The following SSUH2 variants were observed in gnomAD, a reference collection of about 807,000 sequenced individuals.
The protein encoded by SSUH2 is protein SSUH2 homolog.
A neutral mutation model predicts 55.3 loss-of-function variants in SSUH2; 47 were observed. That is an observed-to-expected ratio of 0.85 (90% CI 0.67 to 1.08). The LOEUF (loss-of-function observed/expected upper bound fraction) is 1.08. SSUH2 is among the 50% of genes least tolerant of loss of function. The pLI, the probability that SSUH2 is intolerant of heterozygous loss-of-function variation, is 0.00. For synonymous variants in SSUH2, 212 were observed against 191.5 expected, an observed-to-expected ratio of 1.11 and a Z score of -0.89; for missense variants, 535 against 490.7, an observed-to-expected ratio of 1.09 and a Z score of -0.85.
upstream of SSUH2, among the ~76,000 whole-genome samples, chr3:8,649,563 C>T (rs149423982): frequency 0.016 from 2,429 of 152,232 alleles, 43 homozygotes; most frequent in Admixed American, 0.046. Flanking sequence ...TAACAGACAC[C>T]TCGAGCTCTC....
chr3:8,675,863 T>C (rs971985717), intron 3 of SSUH2, among the ~76,000 whole-genome samples: 4 of 152,240 alleles, frequency 2.6e-5, no homozygotes, highest in South Asian at 2.1e-4. Context: ...TTTTCCATTG[T>C]ATGCGTCACA....
chr3:8,679,118 C>CA lies in SSUH2; in HGVS notation c.-901+586_-901+587insT, dbSNP rs549085698. Reference sequence around the variant, plus strand: ...CCTCTTTCCCCCCTGGCTCTTAGGACCCAAATTGCGGGGGGGAGGCACCCC... The same window carrying CA: ...CCTCTTTCCCCCCTGGCTCTTAGGACACCAAATTGCGGGGGGGAGGCACCCC... On this transcript the variant is annotated intron_variant, in intron 2 of 18. Coordinates refer to the SSUH2 transcript ENST00000317371. Among the ~76,000 whole-genome samples the CA allele has an allele frequency of 2.3e-4, 24 of 106,308 alleles. 1 individual carries two copies. Among genetic ancestry groups the CA allele is most frequent in the East Asian group, 1.4e-3 (6 of 4,222 alleles). 69.7% of individuals were successfully genotyped at this position (106,308 alleles called of 152,430 possible).
intron 5 of SSUH2, among the ~76,000 whole-genome samples, chr3:8,670,179 G>T (rs547063888): frequency 4.3e-4 from 66 of 152,188 alleles, no homozygotes; most frequent in African/African-American, 1.6e-3. Flanking sequence ...GGATACAACT[G>T]GCCCTGAGAG....
rs775792560 is a variant in SSUH2, at chr3:8,633,712, G to GC, written c.292dup (p.Ala98GlyfsTer23). On this transcript the variant is annotated frameshift_variant, in exon 4 of 12. Coordinates refer to ENST00000544814, the MANE Select transcript of SSUH2 (RefSeq NM_001256748.3). LOFTEE classifies it high-confidence loss of function. ...CAGCTCCTGGATGACGAGGTCTCCA[G>GC]CCACCGTGCTGCTGTAGCAGCACTT... The GC allele has an allele frequency of 1.3e-6, 2 of 1,551,470 alleles. No individual in the cohort carries two copies. Among genetic ancestry groups the GC allele is most frequent in the Non-Finnish European group, 1.7e-6 (2 of 1,148,616 alleles).
chr3:8,625,505 C>T (rs1402526407), intron 10 of SSUH2, 37 bp downstream of exon 10: 2 of 1,360,816 alleles, frequency 1.5e-6, no homozygotes, highest in East Asian at 2.3e-5. Context: ...GAGGAGGAAC[C>T]CAGCTTCCTT....
At chr3:8,679,978 T>G (rs574550620) in intron 1 of SSUH2, 1 of 152,332 alleles carries the variant, frequency 6.6e-6, no homozygotes, top group South Asian at 2.1e-4. Flanking sequence ...CGGGAACCTT[T>G]GCAAGGGGGA....
chr3:8,676,237 C>T (rs1254972621), intron 3 of SSUH2, among the ~76,000 whole-genome samples: 13 of 151,898 alleles, frequency 8.6e-5, no homozygotes, highest in Admixed American at 3.3e-4. Context: ...GGTGTACACC[C>T]GTCTGTACTG....
chr3:8,655,404 C>T lies in SSUH2; in HGVS notation c.-307+3521G>A, dbSNP rs569911456. Among the ~76,000 whole-genome samples the T allele has an allele frequency of 8.7e-4, 118 of 136,324 alleles. No homozygotes were observed. In the Middle Eastern group the frequency reaches 0.012, roughly 14 times the overall value. 89.4% of individuals were successfully genotyped at this position (136,324 alleles called of 152,430 possible). On this transcript the variant is annotated intron_variant, in intron 7 of 18. Coordinates refer to the SSUH2 transcript ENST00000317371. ...CCAAGATCACAGTGGGTGGCCTCAT[C>T]CCCCGGGTCTCAGTGTGTGGCCTCC...
rs201862320 is a variant in SSUH2, at chr3:8,670,089, GC to G, written c.-455+908del. On this transcript the variant is annotated intron_variant, in intron 5 of 18. Coordinates refer to the SSUH2 transcript ENST00000317371. ...CTCCGCAAGACAAGCATATCCCTAGGCCCCCCAGAGTAGACAAGAGAGGAGG... is the reference window on the plus strand; with the variant it reads ...CTCCGCAAGACAAGCATATCCCTAGGCCCCCAGAGTAGACAAGAGAGGAGG... Among the ~76,000 whole-genome samples, 974 of 145,378 alleles carry G rather than the reference GC, an allele frequency of 6.7e-3. 8 individuals carry two copies. Among genetic ancestry groups the G allele is most frequent in the African/African-American group, 0.024 (858 of 35,146 alleles).
rs1261850841 is a variant in SSUH2, at chr3:8,625,598, T to C, written c.817A>G (p.Arg273Gly). 5 of 1,614,008 alleles carry C rather than the reference T, an allele frequency of 3.1e-6. No individual in the cohort carries two copies. Among genetic ancestry groups the C allele is most frequent in the Non-Finnish European group, 3.4e-6 (4 of 1,179,932 alleles). The change falls in exon 10 of 12, where the codon AGG becomes GGG. Residue 273 changes from arginine (R) to glycine (G), a missense_variant. Coordinates refer to ENST00000544814, the MANE Select transcript of SSUH2 (RefSeq NM_001256748.3). ...FVSEHRLNCPRELLAKAKGEN... is the reference protein window; with the variant it reads ...FVSEHRLNCPGELLAKAKGEN... ...CCTTTGGCTTTAGCAAGGAGCTCCC[T>C]GGGGCAGTTGAGCCGGTGCTCAGAC...
At chr3:8,620,811 T>G (rs556998752) in intron 11 of SSUH2, among the ~76,000 whole-genome samples, 1 of 152,318 alleles carries the variant, frequency 6.6e-6, no homozygotes. Context: ...GGAAGCGGTT[T>G]CTAACATTTG....
intron 4 of SSUH2, 25 bp downstream of exon 4, chr3:8,633,641 C>A (rs1422936934): frequency 4.0e-6 from 6 of 1,494,140 alleles, no homozygotes; most frequent in South Asian, 2.8e-5. Flanking sequence ...CCGGCCAAGG[C>A]CCCCCACCGG....
Position 8,676,999 on chromosome 3 carries a change from C to T in SSUH2, c.-753+207G>A, listed in dbSNP as rs71312402. The stretch of plus-strand genomic sequence containing the variant: ...ACTGAGAGCCAGTACCTCTTCCCCC[C>T]CTGGCTCTTGAGACCTCCATCGCGG... On this transcript the variant is annotated intron_variant, in intron 3 of 18. Coordinates refer to the SSUH2 transcript ENST00000317371. Among the ~76,000 whole-genome samples the T allele has an allele frequency of 3.6e-4, 53 of 147,934 alleles. 1 individual carries two copies. In the South Asian group the frequency reaches 0.011, roughly 30 times the overall value.
intron 7 of SSUH2, among the ~76,000 whole-genome samples, chr3:8,656,636 G>A (rs1365627965): frequency 1.3e-5 from 2 of 152,186 alleles, no homozygotes; most frequent in Admixed American, 6.5e-5. Flanking sequence ...TGGAAAGGAC[G>A]AAAAGGCCAC....
chr3:8,636,552 C>A (rs1057383174), intron 1 of SSUH2, among the ~76,000 whole-genome samples: 3 of 152,120 alleles, frequency 2.0e-5, no homozygotes, highest in Non-Finnish European at 4.4e-5. Context: ...TTTTAAGGCA[C>A]CGAGATGTGG....
At chr3:8,676,998 C>T (rs1431219455) in intron 3 of SSUH2, among the ~76,000 whole-genome samples, 1 of 149,538 alleles carries the variant, frequency 6.7e-6, no homozygotes, top group South Asian at 2.2e-4. Context: ...CCTCTTCCCC[C>T]CCTGGCTCTT....
At chr3:8,632,190 C>T (rs1267935324) in intron 4 of SSUH2, 81 bp from the exon 5 acceptor site, 1 of 1,215,598 alleles carries the variant, frequency 8.2e-7, no homozygotes, top group African/African-American at 1.5e-5. Context: ...AGCTGTTACC[C>T]TCCCAGGGCT....
chr3:8,661,671 G>T (rs1355697952), intron 6 of SSUH2, among the ~76,000 whole-genome samples: 1 of 152,228 alleles, frequency 6.6e-6, no homozygotes, highest in Admixed American at 6.5e-5. Context: ...CTCAGCCTCA[G>T]TTTCCACAGG....
At chr3:8,678,776 CCCT>C (rs1705662242) in intron 2 of SSUH2, among the ~76,000 whole-genome samples, 3 of 108,230 alleles carry the variant, frequency 2.8e-5, no homozygotes, top group African/African-American at 9.5e-5. Flanking sequence ...AGCCCCTCTT[CCCT>C]CCCTGCCACT....
Sources: gnomAD v4.1 joint callset for allele counts (sites outside exome capture counted in the v4.1 genomes callset) on GRCh38, gnomAD v4.1.1 for gene constraint, MANE v1.5 for transcripts, NCBI Gene and HGNC (gene_info 2026-07-23, HGNC 2026-07-21) for gene names.